The following DMXL1 variants were observed in gnomAD, a reference collection of about 807,000 sequenced individuals.
DMXL1 encodes dmX-like protein 1.
A neutral mutation model predicts 319.2 loss-of-function variants in DMXL1; 99 were observed. The ratio of observed to expected loss-of-function variants is 0.31; its 90% CI spans 0.26 to 0.37. The LOEUF (loss-of-function observed/expected upper bound fraction) is 0.37, where lower values mean the gene tolerates loss of function less well. Among genes scored for constraint, DMXL1 ranks in the 10% least tolerant of loss-of-function variants. DMXL1 has a pLI of 1.00. For missense variants in DMXL1, 3,745 were observed against 3,595.6 expected, an observed-to-expected ratio of 1.04 and a Z score of -1.06; for synonymous variants, 1,385 against 1,235.2, an observed-to-expected ratio of 1.12 and a Z score of -2.54.
intron 1 of DMXL1, among the ~76,000 whole-genome samples, chr5:119,086,849 G>C (rs1011211196): frequency 7.9e-5 from 12 of 151,706 alleles, no homozygotes; most frequent in African/African-American, 2.9e-4. Context: ...TCTTTGATAA[G>C]ATACTTTTTA....
intron 25 of DMXL1, among the ~76,000 whole-genome samples, chr5:119,174,008 T>C (rs1775283063): frequency 6.6e-6 from 1 of 151,446 alleles, no homozygotes; most frequent in African/African-American, 2.4e-5. Context: ...GATGTTTTAG[T>C]TCAAGTCTGA....
chr5:119,191,927 C>A (rs746923088), intron 29 of DMXL1, among the ~76,000 whole-genome samples: 5 of 152,210 alleles, frequency 3.3e-5, no homozygotes, highest in Non-Finnish European at 5.9e-5. Context: ...GTGTTATATG[C>A]ATGGGTCAAC....
intron 9 of DMXL1, among the ~76,000 whole-genome samples, chr5:119,123,078 A>T (rs1762572019): frequency 2.6e-5 from 4 of 152,092 alleles, no homozygotes; most frequent in Non-Finnish European, 5.9e-5. Context: ...AGGCTGGTGG[A>T]TCACTCGTGG....
chr5:119,182,262 A>G (rs373606251), intron 28 of DMXL1, among the ~76,000 whole-genome samples: 3 of 152,326 alleles, frequency 2.0e-5, no homozygotes, highest in Non-Finnish European at 2.9e-5. Flanking sequence ...TTATCTTTTA[A>G]ATTTGGCCAG....
At chr5:119,085,069 C>T (rs2149709777) in intron 1 of DMXL1, among the ~76,000 whole-genome samples, 1 of 151,402 alleles carries the variant, frequency 6.6e-6, no homozygotes, top group East Asian at 2.0e-4. Flanking sequence ...GGGCTCACTC[C>T]TGTAATCTCA....
chr5:119,136,499 C>T (rs1477118476), intron 13 of DMXL1, among the ~76,000 whole-genome samples: 5 of 152,220 alleles, frequency 3.3e-5, no homozygotes, highest in African/African-American at 1.2e-4. Context: ...ATAGCCAAGG[C>T]AATGGGGAAA....
intron 20 of DMXL1, 101 bp from the exon 21 acceptor site, chr5:119,165,082 T>C: frequency 1.4e-6 from 1 of 691,710 alleles, no homozygotes; most frequent in South Asian, 1.8e-5. Flanking sequence ...TTTTAAAATT[T>C]TATTAAACAT....
chr5:119,158,701 G>T (rs1336411414), intron 19 of DMXL1, among the ~76,000 whole-genome samples: 1 of 152,106 alleles, frequency 6.6e-6, no homozygotes, highest in Non-Finnish European at 1.5e-5. Flanking sequence ...AAAGGATGTC[G>T]AATTTTATCA....
intron 13 of DMXL1, among the ~76,000 whole-genome samples, chr5:119,140,363 G>A (rs994294801): frequency 6.6e-6 from 1 of 151,580 alleles, no homozygotes; most frequent in Non-Finnish European, 1.5e-5. Flanking sequence ...AATAAGATAA[G>A]TACGTTGCTA....
intron 35 of DMXL1, among the ~76,000 whole-genome samples, chr5:119,218,270 A>T (rs992503820): frequency 3.2e-4 from 48 of 152,054 alleles, no homozygotes; most frequent in African/African-American, 1.2e-3. Flanking sequence ...AATATGATTT[A>T]AAATAGTCTG....
intron 34 of DMXL1, 32 bp from the exon 35 acceptor site, chr5:119,216,869 T>C (rs774313153): frequency 8.5e-7 from 1 of 1,180,360 alleles, no homozygotes. Context: ...CTAAAATCAG[T>C]GCATTTTTGT....
chr5:119,238,350 A>T (rs1041950700), intron 40 of DMXL1, among the ~76,000 whole-genome samples: 3 of 152,160 alleles, frequency 2.0e-5, no homozygotes, highest in African/African-American at 7.2e-5. Flanking sequence ...TTTTTATTAA[A>T]GAGAAATATG....
intron 19 of DMXL1, among the ~76,000 whole-genome samples, chr5:119,163,531 C>T (rs1479699307): frequency 2.6e-5 from 4 of 152,160 alleles, no homozygotes; most frequent in Admixed American, 2.0e-4. Context: ...ATTTTTCTGC[C>T]TCAGCTTCTT....
At chr5:119,085,869 G>T (rs900347130) in intron 1 of DMXL1, among the ~76,000 whole-genome samples, 4 of 152,130 alleles carry the variant, frequency 2.6e-5, no homozygotes, top group Non-Finnish European at 5.9e-5. Context: ...CCTATGCCCA[G>T]TTTGTTGAGG....
chr5:119,187,767 A>G (rs535574860), intron 28 of DMXL1, among the ~76,000 whole-genome samples: 14 of 152,142 alleles, frequency 9.2e-5, no homozygotes, highest in African/African-American at 2.9e-4. Context: ...GGTTCAAGCA[A>G]TTCTCCTGTC....
chr5:119,131,953 G>A (rs1764993667), intron 10 of DMXL1, among the ~76,000 whole-genome samples: 1 of 152,170 alleles, frequency 6.6e-6, no homozygotes, highest in South Asian at 2.1e-4. Flanking sequence ...TCAAGGCAAA[G>A]AGATAAAACA....
intron 43 of DMXL1, 30 bp downstream of exon 43, chr5:119,244,606 A>C: frequency 6.5e-7 from 1 of 1,547,998 alleles, no homozygotes. Flanking sequence ...CAACATCTAC[A>C]AAATGAAATC....
chr5:119,224,877 T>G (rs1468064934), intron 38 of DMXL1, 108 bp downstream of exon 38: 1 of 451,934 alleles, frequency 2.2e-6, no homozygotes, highest in Non-Finnish European at 3.9e-6. Flanking sequence ...TTGAAAGCAT[T>G]TATTTGACTT....
chr5:119,109,236 C>G (rs1055120183), intron 4 of DMXL1, among the ~76,000 whole-genome samples: 2 of 152,280 alleles, frequency 1.3e-5, no homozygotes, highest in South Asian at 2.1e-4. Flanking sequence ...TCTTTGTATA[C>G]TAGAGTCTTT....
Sources: allele counts gnomAD v4.1 joint callset (sites outside exome capture counted in the v4.1 genomes callset), GRCh38; gene constraint gnomAD v4.1.1; transcripts MANE v1.5; gene names NCBI Gene and HGNC (gene_info 2026-07-23, HGNC 2026-07-21).